Variants in PLCG1 observed in about 807,000 individuals in gnomAD.
PLCG1 encodes phospholipase C gamma 1, also known as 1-phosphatidylinositol 4,5-bisphosphate phosphodiesterase gamma-1.
PLCG1 carries 71 observed loss-of-function variants against 177.8 expected under a neutral mutation model. The ratio of observed to expected loss-of-function variants is 0.40; its 90% CI spans 0.33 to 0.49. The LOEUF (loss-of-function observed/expected upper bound fraction) is 0.49, where lower values mean the gene tolerates loss of function less well. PLCG1 is among the 20% of genes least tolerant of loss of function. The probability of loss-of-function intolerance (pLI) is 0.72; values close to 1 mark genes in which losing one functional copy is unlikely to be tolerated. For missense variants in PLCG1, 1,281 were observed against 1,709.0 expected (o/e 0.75, Z 4.42); for synonymous variants, 658 against 647.9 (o/e 1.02, Z -0.24).
Position 41,137,935 on chromosome 20 carries a change from G to T in PLCG1, c.217+77G>T, listed in dbSNP as rs543351537. 50 of 1,035,956 alleles carry T rather than the reference G, an allele frequency of 4.8e-5. No individual in the cohort carries two copies. In the African/African-American group the frequency reaches 6.3e-4, roughly 13 times the overall value. The allele number at this position is 1,035,956 out of a possible 1,614,324, so 64.2% of individuals were successfully genotyped here. A position where few individuals can be genotyped will look rare whatever the true frequency, so the allele number is the denominator to read the frequency against. On this transcript the variant is annotated intron_variant, in intron 1 of 31. Coordinates refer to ENST00000685551, the MANE Select transcript of PLCG1 (RefSeq NM_002660.3). This position sits in a 1 kb window ranked among gnomAD's most constrained non-coding sequence, Gnocchi z 7.3. ...GCCCGGCCCGACTGCTTGCACCCCG[G>T]CCGGCCGCCCCAGCGACTTGGGCAA...
chr20:41,137,926 T>G lies in PLCG1; in HGVS notation c.217+68T>G. 3 of 1,100,892 alleles carry G rather than the reference T, an allele frequency of 2.7e-6. No homozygotes were observed. The highest frequency in any genetic ancestry group is 3.5e-6 in the Non-Finnish European group (3 of 856,938). The allele number at this position is 1,100,892 out of a possible 1,614,324, so 68.2% of individuals were successfully genotyped here. A position where few individuals can be genotyped will look rare whatever the true frequency, so the allele number is the denominator to read the frequency against. ...GTCGTGGGAGCCCGGCCCGACTGCT[T>G]GCACCCCGGCCGGCCGCCCCAGCGA... On this transcript the variant is annotated intron_variant, in intron 1 of 31. Transcript: ENST00000685551. The surrounding 1 kb of genome is among the most constrained non-coding windows in gnomAD (Gnocchi z 7.3).
In PLCG1 at chr20:41,153,089, G is replaced by A. The variant is rs1291328333; in HGVS notation, c.218-6517G>A. Among the ~76,000 whole-genome samples the A allele has an allele frequency of 6.6e-6, 1 of 152,148 alleles. No homozygotes were observed. The highest frequency in any genetic ancestry group is 2.4e-5 in the African/African-American group (1 of 41,424). ...TGGGGGTAGTAAAAACCCCCAGAAG[G>A]GAAGGAACCTGTCCAGGAAATCTTC... is the stretch of plus-strand genomic sequence containing the variant. On this transcript the variant is annotated intron_variant, in intron 1 of 31. Coordinates refer to ENST00000685551, the MANE Select transcript of PLCG1 (RefSeq NM_002660.3). The surrounding 1 kb of genome is among the most constrained non-coding windows in gnomAD (Gnocchi z 5.1).
rs1388813861 is a variant in PLCG1, at chr20:41,172,204, G to A, written c.2820G>A (p.Gly940=). 1 of 1,613,338 alleles carries A rather than the reference G, an allele frequency of 6.2e-7. No homozygotes were observed. The change falls in exon 25 of 32, where the codon GGG becomes GGA. Residue 940 remains glycine (G), a synonymous_variant. Transcript: ENST00000685551. This position sits in a 1 kb window ranked among gnomAD's most constrained non-coding sequence, Gnocchi z 7.0. ...GTGTGTGTCACCAGCTCACTGAAGG[G>A]AAGATAATGGAACGGAGGAAGAAGA... ...AQTADARLTE[G]KIMERRKKIA... is the part of the protein sequence containing the mutation.
Position 41,148,820 on chromosome 20 carries a change from A to G in PLCG1, c.218-10786A>G, listed in dbSNP as rs2035075743. Among the ~76,000 whole-genome samples the G allele has an allele frequency of 6.6e-6, 1 of 152,156 alleles. No individual in the cohort carries two copies. Among genetic ancestry groups the G allele is most frequent in the Non-Finnish European group, 1.5e-5 (1 of 68,014 alleles). Reference sequence around the variant, plus strand: ...CTGTCTGTGCTGGCCCTGCTTGGCCACTTCCAACAAGGATTCTGAGGCATT... The same window carrying G: ...CTGTCTGTGCTGGCCCTGCTTGGCCGCTTCCAACAAGGATTCTGAGGCATT... On this transcript the variant is annotated intron_variant, in intron 1 of 31. Coordinates refer to ENST00000685551, the MANE Select transcript of PLCG1 (RefSeq NM_002660.3). The surrounding 1 kb of genome is among the most constrained non-coding windows in gnomAD (Gnocchi z 4.3).
rs771723088 is a variant in PLCG1 at position 41,172,508 on chromosome 20, A to G, written c.2993A>G (p.Lys998Arg). Residue 998 changes from lysine to arginine, a missense_variant, in exon 26 of 32, where the codon AAG becomes AGG. Coordinates refer to ENST00000685551, the MANE Select transcript of PLCG1 (RefSeq NM_002660.3). This position sits in a 1 kb window ranked among gnomAD's most constrained non-coding sequence, Gnocchi z 7.0. ...AEKYVNKAKGKKFLQYNRLQL... is the reference protein window; with the variant it reads ...AEKYVNKAKGRKFLQYNRLQL... ...AAATACGTGAACAAGGCCAAAGGCA[A>G]GAAGTTCCTTCAGTACAATCGACTG... The G allele has an allele frequency of 1.9e-6, 3 of 1,614,210 alleles. No homozygotes were observed. The highest frequency in any genetic ancestry group is 2.2e-5 in the South Asian group (2 of 91,086).
Position 41,157,484 on chromosome 20 carries a change from T to C in PLCG1, c.218-2122T>C, listed in dbSNP as rs2035361142. 6.6e-6 allele frequency among the ~76,000 whole-genome samples: 1 copy of C among 152,218 alleles called. No individual in the cohort carries two copies. Among genetic ancestry groups the C allele is most frequent in the South Asian group, 2.1e-4 (1 of 4,830 alleles). Reference sequence around the variant, plus strand: ...CTACCCGAGTATAACTGTTCATTTTTGTTCCCCATCCCTATTTGGTTTTCC... The same window carrying C: ...CTACCCGAGTATAACTGTTCATTTTCGTTCCCCATCCCTATTTGGTTTTCC... On this transcript the variant is annotated intron_variant, in intron 1 of 31. Transcript: ENST00000685551. The surrounding 1 kb of genome is among the most constrained non-coding windows in gnomAD (Gnocchi z 5.4).
chr20:41,176,119 C>T lies in PLCG1; in HGVS notation c.*1610C>T, dbSNP rs1214591977. On this transcript the variant is annotated 3_prime_UTR_variant, in exon 32 of 32. Transcript: ENST00000685551. Reference sequence around the variant, plus strand: ...ACTTGGCAGCTGAAATCTCTGGGCCCTTTCAACACAGTTGAAAGGCCCTTC... The same window carrying T: ...ACTTGGCAGCTGAAATCTCTGGGCCTTTTCAACACAGTTGAAAGGCCCTTC... 1 of 152,210 alleles carries T rather than the reference C, an allele frequency of 6.6e-6. No individual in the cohort carries two copies. The highest frequency in any genetic ancestry group is 1.5e-5 in the Non-Finnish European group (1 of 68,042). 9.4% of individuals were successfully genotyped at this position (152,210 alleles called of 1,614,324 possible).
At position 41,163,559 on chromosome 20, in the gene PLCG1, G is replaced by A. The variant is rs1309467091; in HGVS notation, c.891+80G>A. The A allele has an allele frequency of 1.1e-5, 13 of 1,160,426 alleles. No individual in the cohort carries two copies. Among genetic ancestry groups the A allele is most frequent in the Non-Finnish European group, 1.7e-5 (13 of 772,594 alleles). The allele number at this position is 1,160,426 out of a possible 1,614,324, so 71.9% of individuals were successfully genotyped here. On this transcript the variant is annotated intron_variant, in intron 9 of 31. Transcript: ENST00000685551. This position sits in a 1 kb window ranked among gnomAD's most constrained non-coding sequence, Gnocchi z 5.2. ...GACCCCACCCGGGCTCCAGGAGCTA[G>A]ACGCTCCTTAGGGATGCCACCTTGT...
intron 1 of PLCG1, among the ~76,000 whole-genome samples, chr20:41,154,655 C>T (rs2035263761): frequency 6.6e-6 from 1 of 152,102 alleles, no homozygotes; most frequent in Admixed American, 6.5e-5. Flanking sequence ...AGACAGGAAG[C>T]AGCCCTACCT....
rs1466018417 is a variant in PLCG1, at chr20:41,164,618, C to T, written c.1218-315C>T. 1.3e-5 allele frequency among the ~76,000 whole-genome samples: 2 copies of T among 152,130 alleles called. No homozygotes were observed. Among genetic ancestry groups the T allele is most frequent in the Non-Finnish European group, 2.9e-5 (2 of 68,020 alleles). ...TGGTCTCCCTTAGCTCACCAGGGCT[C>T]TAACAGCTAACTTTGGAGGCTTCTC... On this transcript the variant is annotated intron_variant, in intron 12 of 31. Coordinates refer to ENST00000685551, the MANE Select transcript of PLCG1 (RefSeq NM_002660.3). The surrounding 1 kb of genome is among the most constrained non-coding windows in gnomAD (Gnocchi z 6.4).
rs1303860852 is a variant in PLCG1, at chr20:41,148,795, C to A, written c.218-10811C>A. Among the ~76,000 whole-genome samples, 2 of 152,220 alleles carry A rather than the reference C, an allele frequency of 1.3e-5. No homozygotes were observed. Among genetic ancestry groups the A allele is most frequent in the Non-Finnish European group, 2.9e-5 (2 of 68,036 alleles). On this transcript the variant is annotated intron_variant, in intron 1 of 31. Transcript: ENST00000685551. This position sits in a 1 kb window ranked among gnomAD's most constrained non-coding sequence, Gnocchi z 4.3. The stretch of plus-strand genomic sequence containing the variant: ...CTGGAGTCCTCTCCATCCTCCCCTT[C>A]TGTCTGTGCTGGCCCTGCTTGGCCA...
Position 41,153,248 on chromosome 20 carries a change from A to G in PLCG1, c.218-6358A>G, listed in dbSNP as rs556140190. Among the ~76,000 whole-genome samples the G allele has an allele frequency of 2.2e-4, 34 of 152,262 alleles. No individual in the cohort carries two copies. Among genetic ancestry groups the G allele is most frequent in the African/African-American group, 7.7e-4 (32 of 41,540 alleles). On this transcript the variant is annotated intron_variant, in intron 1 of 31. Transcript: ENST00000685551. The surrounding 1 kb of genome is among the most constrained non-coding windows in gnomAD (Gnocchi z 5.1). ...ATAGTTTTTGCTACCATTTACATCA[A>G]TTAGCTTACACACTTTGGGTTTTGT...
chr20:41,167,976 C>A lies in PLCG1; in HGVS notation c.2379+47C>A. 1 of 1,245,952 alleles carries A rather than the reference C, an allele frequency of 8.0e-7. No individual in the cohort carries two copies. The highest frequency in any genetic ancestry group is 1.2e-6 in the Non-Finnish European group (1 of 846,598). 77.2% of individuals were successfully genotyped at this position (1,245,952 alleles called of 1,614,324 possible). On this transcript the variant is annotated intron_variant, in intron 20 of 31. Coordinates refer to ENST00000685551, the MANE Select transcript of PLCG1 (RefSeq NM_002660.3). The surrounding 1 kb of genome is among the most constrained non-coding windows in gnomAD (Gnocchi z 4.4). ...ATAGGAAGCTGGGGAGGGTCCCCAG[C>A]TGCTTGGGGCTTCATTTCTGTGTTC...
At position 41,151,648 on chromosome 20, in the gene PLCG1, A is replaced by G. The variant is rs2035170378; in HGVS notation, c.218-7958A>G. Among the ~76,000 whole-genome samples, 1 of 152,160 alleles carries G rather than the reference A, an allele frequency of 6.6e-6. No individual in the cohort carries two copies. The highest frequency in any genetic ancestry group is 6.5e-5 in the Admixed American group (1 of 15,282). ...TGAGAGGCAGGAGGAGGAATATTAT[A>G]GTCTCAGGAAGAGGGAGGAATGAGA... On this transcript the variant is annotated intron_variant, in intron 1 of 31. Coordinates refer to ENST00000685551, the MANE Select transcript of PLCG1 (RefSeq NM_002660.3). The surrounding 1 kb of genome is among the most constrained non-coding windows in gnomAD (Gnocchi z 5.5).
chr20:41,162,902 C>T (rs2035559282), intron 6 of PLCG1, 56 bp from the exon 7 acceptor site: 7 of 1,543,884 alleles, frequency 4.5e-6, no homozygotes, highest in Non-Finnish European at 6.3e-6. Context: ...CTTACTAGCC[C>T]ATTTCCCACA....
chr20:41,161,453 G>C lies in PLCG1; in HGVS notation c.513-999G>C, dbSNP rs548105944. 1.3e-5 allele frequency among the ~76,000 whole-genome samples: 2 copies of C among 152,156 alleles called. 1 individual carries two copies. Among genetic ancestry groups the C allele is most frequent in the South Asian group, 4.1e-4 (2 of 4,822 alleles). The stretch of plus-strand genomic sequence containing the variant: ...TGGTGGAAGAAGTAACAAGCTGTTC[G>C]TATGCTGATGGGAAAGAGACCACAG... On this transcript the variant is annotated intron_variant, in intron 4 of 31. Coordinates refer to ENST00000685551, the MANE Select transcript of PLCG1 (RefSeq NM_002660.3).
Position 41,173,740 on chromosome 20 carries a change from G to T in PLCG1, c.3483G>T (p.Val1161=). 2 of 1,614,148 alleles carry T rather than the reference G, an allele frequency of 1.2e-6. No homozygotes were observed. The highest frequency in any genetic ancestry group is 1.1e-5 in the South Asian group (1 of 91,088). The stretch of plus-strand genomic sequence containing the variant: ...AATTTGCCTTTCTGCGCTTCGTGGT[G>T]TATGAGGAAGACATGTTTAGTGACC... ...NPEFAFLRFV[V]YEEDMFSDQN... is the part of the protein sequence containing the mutation. Residue 1161 remains valine (V), a synonymous_variant, in exon 29 of 32, where the codon GTG becomes GTT. Transcript: ENST00000685551. The surrounding 1 kb of genome is among the most constrained non-coding windows in gnomAD (Gnocchi z 6.2).
chr20:41,165,062 C>T lies in PLCG1; in HGVS notation c.1347C>T (p.Leu449=). The T allele has an allele frequency of 6.2e-7, 1 of 1,607,876 alleles. No homozygotes were observed. The highest frequency in any genetic ancestry group is 8.5e-7 in the Non-Finnish European group (1 of 1,177,290). The change falls in exon 13 of 32, where the codon CTC becomes CTT. Residue 449 remains leucine (L), a synonymous_variant. Transcript: ENST00000685551. The surrounding 1 kb of genome is among the most constrained non-coding windows in gnomAD (Gnocchi z 6.6). ...CCGTGGAGATCTCTGCCGACGGGCTCCCCTCACCCAACCAGCTTAAGAGGA... is the reference window on the plus strand; with the variant it reads ...CCGTGGAGATCTCTGCCGACGGGCTTCCCTCACCCAACCAGCTTAAGAGGA... ...TKPVEISADG[L]PSPNQLKRKI...
In PLCG1 at chr20:41,146,297, C is replaced by G. The variant is rs12106101; in HGVS notation, c.217+8439C>G. Among the ~76,000 whole-genome samples, 1,760 of 152,318 alleles carry G rather than the reference C, an allele frequency of 0.012. 42 individuals carry two copies. Among genetic ancestry groups the G allele is most frequent in the African/African-American group, 0.041 (1,690 of 41,556 alleles). The stretch of plus-strand genomic sequence containing the variant: ...GGACCATGCAGAAAACCGCTAATGC[C>G]CAGGGCTGGCAGGAGACAGCTGTGC... On this transcript the variant is annotated intron_variant, in intron 1 of 31. Transcript: ENST00000685551. The surrounding 1 kb of genome is among the most constrained non-coding windows in gnomAD (Gnocchi z 6.3).
Sources: allele counts gnomAD v4.1 joint callset (sites outside exome capture counted in the v4.1 genomes callset), GRCh38; gene constraint gnomAD v4.1.1; non-coding constraint Gnocchi (gnomAD v3.1); transcripts MANE v1.5; gene names NCBI Gene and HGNC (gene_info 2026-07-23, HGNC 2026-07-21).